The following WASHC2C variants were observed in gnomAD, a reference collection of about 807,000 sequenced individuals.
The protein encoded by WASHC2C is Vaccinia Penetration Factor.
WASHC2C carries 73 observed loss-of-function variants against 142.2 expected under a neutral mutation model. That is an observed-to-expected ratio of 0.51 (90% confidence interval 0.43 to 0.62). The LOEUF is 0.62. Among genes scored for constraint, WASHC2C ranks in the 20% least tolerant of loss-of-function variants. The pLI, the probability that WASHC2C is intolerant of heterozygous loss-of-function variation, is 0.00. For synonymous variants in WASHC2C, 337 were observed against 565.5 expected, an observed-to-expected ratio of 0.60 and a Z score of 5.73; for missense variants, 969 against 1,531.7, an observed-to-expected ratio of 0.63 and a Z score of 6.13.
chr10:45,764,551 C>G (rs1297913310), intron 18 of WASHC2C, among the ~76,000 whole-genome samples: 1 of 149,858 alleles, frequency 6.7e-6, no homozygotes, highest in Non-Finnish European at 1.5e-5. Flanking sequence ...CTTTCCCGTC[C>G]TGGCTGGAGA....
Position 45,727,338 on chromosome 10 carries a change from G to T in WASHC2C, c.3+18G>T. 6.3e-7 allele frequency: 1 copy of T among 1,590,922 alleles called. No homozygotes were observed. The highest frequency in any genetic ancestry group is 8.5e-7 in the Non-Finnish European group (1 of 1,170,160). ...CTGGGATGGTGAGGGCGGCGGGCCG[G>T]AGAGGGGCCGGCCTGGGCTGGGGCC... is the stretch of plus-strand genomic sequence containing the variant. On this transcript the variant is annotated intron_variant, in intron 1 of 30. Coordinates refer to ENST00000623400, the MANE Select transcript of WASHC2C (RefSeq NM_001330074.2).
At chr10:45,728,269 A>G (rs1472789505) in intron 2 of WASHC2C, among the ~76,000 whole-genome samples, 1 of 152,166 alleles carries the variant, frequency 6.6e-6, no homozygotes, top group Non-Finnish European at 1.5e-5. Context: ...GACTCTAGCG[A>G]TAACCCTGCC....
chr10:45,733,978 C>T (rs556645745), intron 3 of WASHC2C, among the ~76,000 whole-genome samples: 63 of 152,054 alleles, frequency 4.1e-4, no homozygotes, highest in Non-Finnish European at 6.2e-4. Context: ...GCCTGTAGCA[C>T]TTTGGGAGGC....
At position 45,763,862 on chromosome 10, in the gene WASHC2C, C is replaced by T. The variant is rs563546396; in HGVS notation, c.1737+373C>T. ...GACTACAGGTACGCACCACCACTCC[C>T]GGCTAATTTTTGTATTGTTAGTAGA... On this transcript the variant is annotated intron_variant, in intron 18 of 30. Transcript: ENST00000623400. Among the ~76,000 whole-genome samples the T allele has an allele frequency of 6.6e-5, 10 of 152,142 alleles. No homozygotes were observed. The South Asian group carries it at 1.0e-3, about 16-fold the overall frequency.
At chr10:45,766,066 TA>T (rs1242462516) in intron 19 of WASHC2C, among the ~76,000 whole-genome samples, 1 of 152,226 alleles carries the variant, frequency 6.6e-6, no homozygotes, top group African/African-American at 2.4e-5. Context: ...TTAGGCCGGC[TA>T]GGGGGGAAAT....
intron 3 of WASHC2C, among the ~76,000 whole-genome samples, chr10:45,731,620 G>A (rs544341939): frequency 1.3e-5 from 2 of 151,432 alleles, no homozygotes; most frequent in East Asian, 2.0e-4. Flanking sequence ...ACTCTTCTCC[G>A]GATGTGCTGG....
intron 16 of WASHC2C, among the ~76,000 whole-genome samples, chr10:45,757,761 C>G (rs1256745145): frequency 5.9e-5 from 9 of 152,200 alleles, no homozygotes; most frequent in Admixed American, 3.9e-4. Flanking sequence ...CTAGATCCCT[C>G]GCATGCACAG....
Position 45,755,090 on chromosome 10 carries a change from A to G in WASHC2C, c.1395A>G (p.Ala465=). 1 of 1,610,012 alleles carries G rather than the reference A, an allele frequency of 6.2e-7. No individual in the cohort carries two copies. Among genetic ancestry groups the G allele is most frequent in the Non-Finnish European group, 8.5e-7 (1 of 1,179,144 alleles). The stretch of plus-strand genomic sequence containing the variant: ...ATGATGATGACGACTTTTTCTCGGC[A>G]CCCCACAGCAAACCTTCTAAAACAC... ...DGDDDDDFFS[A]PHSKPSKTRK... Residue 465 remains alanine, a synonymous_variant, in exon 15 of 31, where the codon GCA becomes GCG. Transcript: ENST00000623400.
chr10:45,768,438 C>T (rs1293233571), intron 19 of WASHC2C, among the ~76,000 whole-genome samples: 1 of 152,080 alleles, frequency 6.6e-6, no homozygotes. Flanking sequence ...ATCACCCAGG[C>T]ACCCTGTGAA....
At position 45,763,447 on chromosome 10, in the gene WASHC2C, G is replaced by C; in HGVS notation, c.1695G>C (p.Lys565Asn). 1 of 997,680 alleles carries C rather than the reference G, an allele frequency of 1.0e-6. No individual in the cohort carries two copies. The highest frequency in any genetic ancestry group is 2.6e-5 in the East Asian group (1 of 38,600). 61.8% of individuals were successfully genotyped at this position (997,680 alleles called of 1,614,324 possible). A position where few individuals can be genotyped will look rare whatever the true frequency, so the allele number is the denominator to read the frequency against. Residue 565 changes from lysine to asparagine, a missense_variant, in exon 18 of 31, where the codon AAG (lysine) becomes AAC (asparagine). Physicochemically the swap from Lys to Asn is moderately conservative, Grantham distance 94. Transcript: ENST00000623400. ...NLKGASLLPGKLPTSVSLFDD... is the reference protein window; with the variant it reads ...NLKGASLLPGNLPTSVSLFDD... The stretch of plus-strand genomic sequence containing the variant: ...AAGGTGCATCTCTGCTGCCTGGCAA[G>C]CTCCCCACGTCGGTTTCCCTGTTTG...
intron 6 of WASHC2C, among the ~76,000 whole-genome samples, chr10:45,744,618 G>T (rs1489913846): frequency 6.6e-6 from 1 of 152,060 alleles, no homozygotes; most frequent in Admixed American, 6.6e-5. Flanking sequence ...TATTTGTAAT[G>T]AATAATTTTT....
chr10:45,755,326 T>A (rs1371813094), intron 15 of WASHC2C, among the ~76,000 whole-genome samples: 3 of 152,308 alleles, frequency 2.0e-5, no homozygotes, highest in Non-Finnish European at 4.4e-5. Flanking sequence ...GTAAGCTAAT[T>A]ACTATGATTA....
intron 5 of WASHC2C, among the ~76,000 whole-genome samples, chr10:45,742,203 T>C (rs1250080214): frequency 1.3e-5 from 2 of 151,916 alleles, no homozygotes; most frequent in African/African-American, 4.9e-5. Flanking sequence ...CTGCCCTCAC[T>C]CTGTTTTCTC....
At chr10:45,737,793 A>G (rs2051449723) in intron 3 of WASHC2C, among the ~76,000 whole-genome samples, 190 bp from the exon 4 acceptor site, 1 of 139,174 alleles carries the variant, frequency 7.2e-6, no homozygotes. Flanking sequence ...TTTTTTGGTG[A>G]ATGGACTATT....
At chr10:45,786,112 A>C (rs1487701050) in intron 26 of WASHC2C, 26 of 294,060 alleles carry the variant, frequency 8.8e-5, no homozygotes, top group Admixed American at 2.5e-4. Context: ...AGAGCGAGTG[A>C]CAGTTCCACG....
rs1227809519 is a variant in WASHC2C, at chr10:45,749,836, A to AAAAAAAATATATAT, written c.733-259_733-258insAAAAAATATATATA. Among the ~76,000 whole-genome samples, 25 of 101,760 alleles carry AAAAAAAATATATAT rather than the reference A, an allele frequency of 2.5e-4. No homozygotes were observed. The South Asian group carries it at 3.8e-3, about 16-fold the overall frequency. 66.8% of individuals were successfully genotyped at this position (101,760 alleles called of 152,430 possible). A position where few individuals can be genotyped will look rare whatever the true frequency, so the allele number is the denominator to read the frequency against. ...GCAAGACTCCATCTCAAAAAAAAAA[A>AAAAAAAATATATAT]ATATATATATATATATATATTTATA... On this transcript the variant is annotated intron_variant, in intron 8 of 30. Transcript: ENST00000623400.
At chr10:45,749,825 C>CAA (rs1168283573) in intron 8 of WASHC2C, among the ~76,000 whole-genome samples, 2,759 of 76,312 alleles carry the variant, frequency 0.036, 74 homozygotes, top group Middle Eastern at 0.056. Flanking sequence ...GACTCCATCT[C>CAA]AAAAAAAAAA....
Position 45,790,420 on chromosome 10 carries a change from T to C in WASHC2C, c.3773T>C (p.Leu1258Ser). ...AAAACCAGAGAGAAGGAGAAAACAT[T>C]GGAATCTAATTTATTTGATGATAAC... ...SQKTREKEKT[L>S]ESNLFDDNID... Residue 1258 changes from leucine (L) to serine (S), a missense_variant, in exon 30 of 31, where the codon TTG becomes TCG. By Grantham distance (145) the Leu-to-Ser change is moderately radical. Transcript: ENST00000623400. 6.2e-7 allele frequency: 1 copy of C among 1,611,082 alleles called. No individual in the cohort carries two copies. Among genetic ancestry groups the C allele is most frequent in the South Asian group, 1.1e-5 (1 of 90,844 alleles).
intron 19 of WASHC2C, among the ~76,000 whole-genome samples, chr10:45,766,648 G>A (rs1286004847): frequency 3.5e-5 from 5 of 142,716 alleles, no homozygotes; most frequent in Admixed American, 7.2e-5. Flanking sequence ...TACCTATTGA[G>A]GTTAAACTCC....
Sources: allele counts gnomAD v4.1 joint callset (sites outside exome capture counted in the v4.1 genomes callset), GRCh38; gene constraint gnomAD v4.1.1; transcripts MANE v1.5; gene names NCBI Gene and HGNC (gene_info 2026-07-23, HGNC 2026-07-21).